CDKAL1: variants seen among roughly 807,000 people sequenced by gnomAD.
CDKAL1 encodes the protein CDKAL1 threonylcarbamoyladenosine tRNA methylthiotransferase, also known as threonylcarbamoyladenosine tRNA methylthiotransferase.
A neutral mutation model predicts 68.2 loss-of-function variants in CDKAL1; 32 were observed. The ratio of observed to expected loss-of-function variants is 0.47; its 90% CI spans 0.35 to 0.63. The LOEUF is 0.63. Among genes scored for constraint, CDKAL1 ranks in the 30% least tolerant of loss-of-function variants. The pLI, the probability that CDKAL1 is intolerant of heterozygous loss-of-function variation, is 0.00. For missense variants in CDKAL1, 606 were observed against 696.7 expected, an observed-to-expected ratio of 0.87 and a Z score of 1.47; for synonymous variants, 234 against 244.3, an observed-to-expected ratio of 0.96 and a Z score of 0.39.
intron 5 of CDKAL1, among the ~76,000 whole-genome samples, chr6:20,732,276 T>C (rs1419681523): frequency 4.6e-5 from 6 of 129,082 alleles, no homozygotes; most frequent in Non-Finnish European, 1.0e-4. Context: ...TTTTTTTTTT[T>C]TTTTTTTTTG....
intron 9 of CDKAL1, among the ~76,000 whole-genome samples, chr6:20,942,072 A>G (rs1384120573): frequency 1.3e-5 from 2 of 152,198 alleles, no homozygotes; most frequent in African/African-American, 2.4e-5. Context: ...TAACACATGT[A>G]GACTTCATTT....
At chr6:20,773,708 C>T (rs918113017) in intron 7 of CDKAL1, among the ~76,000 whole-genome samples, 1 of 151,980 alleles carries the variant, frequency 6.6e-6, no homozygotes, top group Non-Finnish European at 1.5e-5. Context: ...CCACCACGCC[C>T]AGCTAATTTT....
chr6:20,596,406 C>T (rs901480601), intron 4 of CDKAL1, among the ~76,000 whole-genome samples: 4 of 152,208 alleles, frequency 2.6e-5, no homozygotes, highest in Non-Finnish European at 5.9e-5. Flanking sequence ...AGCGGCTTTG[C>T]CGAGCTGTGG....
chr6:20,707,931 C>T (rs957477768), intron 5 of CDKAL1, among the ~76,000 whole-genome samples: 1 of 152,148 alleles, frequency 6.6e-6, no homozygotes, highest in African/African-American at 2.4e-5. Flanking sequence ...TCAGGATTCC[C>T]CACAGTGGCA....
At chr6:20,633,461 C>CT (rs1407475263) in intron 4 of CDKAL1, among the ~76,000 whole-genome samples, 1 of 152,132 alleles carries the variant, frequency 6.6e-6, no homozygotes, top group Non-Finnish European at 1.5e-5. Context: ...GTTGTTTCTG[C>CT]TTTTTGGCTA....
chr6:20,560,214 A>T (rs925955889), intron 4 of CDKAL1, among the ~76,000 whole-genome samples: 1 of 152,254 alleles, frequency 6.6e-6, no homozygotes, highest in Non-Finnish European at 1.5e-5. Context: ...ATTAGGCGTC[A>T]TTAAATTAGT....
At chr6:21,016,809 ACTT>A (rs1280625893) in intron 11 of CDKAL1, among the ~76,000 whole-genome samples, 4 of 152,116 alleles carry the variant, frequency 2.6e-5, no homozygotes, top group Admixed American at 2.6e-4. Flanking sequence ...CTCATGTCTA[ACTT>A]CTTCATGCCC....
intron 11 of CDKAL1, among the ~76,000 whole-genome samples, chr6:21,053,598 C>T (rs578102059): frequency 8.0e-4 from 122 of 152,164 alleles, no homozygotes; most frequent in African/African-American, 2.8e-3. Flanking sequence ...TGTATAAGTG[C>T]GTCAGTTTCT....
intron 7 of CDKAL1, among the ~76,000 whole-genome samples, chr6:20,774,950 A>G (rs1328931897): frequency 6.6e-6 from 1 of 152,198 alleles, no homozygotes; most frequent in Non-Finnish European, 1.5e-5. Context: ...AACAACTCAG[A>G]GAGATGTTTA....
intron 5 of CDKAL1, among the ~76,000 whole-genome samples, chr6:20,696,056 T>G (rs2127809205): frequency 6.6e-6 from 1 of 152,362 alleles, no homozygotes; most frequent in Admixed American, 6.5e-5. Flanking sequence ...AAAAATAGAT[T>G]TGTAAAAGCC....
chr6:20,783,078 C>T (rs1049945124), intron 8 of CDKAL1, among the ~76,000 whole-genome samples: 12 of 151,988 alleles, frequency 7.9e-5, no homozygotes, highest in African/African-American at 2.2e-4. Flanking sequence ...TACAGGTGCA[C>T]GCCACCATGC....
chr6:21,082,252 A>T (rs1230245980), intron 12 of CDKAL1, among the ~76,000 whole-genome samples: 1 of 145,472 alleles, frequency 6.9e-6, no homozygotes, highest in African/African-American at 2.6e-5. Context: ...AGAAGTGTGG[A>T]TAAGATAAGA....
At chr6:21,202,776 T>C (rs1778743198) in intron 15 of CDKAL1, among the ~76,000 whole-genome samples, 1 of 152,304 alleles carries the variant, frequency 6.6e-6, no homozygotes, top group East Asian at 1.9e-4. Context: ...AACTATAGTG[T>C]TACTGTCTAA....
chr6:20,768,266 C>G (rs1774786706), intron 7 of CDKAL1, among the ~76,000 whole-genome samples: 1 of 152,136 alleles, frequency 6.6e-6, no homozygotes, highest in Non-Finnish European at 1.5e-5. Context: ...CACTGGTTCT[C>G]AGTTTCCTGA....
At chr6:20,715,684 A>C (rs1262868062) in intron 5 of CDKAL1, among the ~76,000 whole-genome samples, 1 of 152,154 alleles carries the variant, frequency 6.6e-6, no homozygotes, top group African/African-American at 2.4e-5. Flanking sequence ...ACAGTGCACA[A>C]GGGTTCTCTT....
chr6:20,696,726 A>G (rs1252534460), intron 5 of CDKAL1, among the ~76,000 whole-genome samples: 1 of 152,210 alleles, frequency 6.6e-6, no homozygotes, highest in Non-Finnish European at 1.5e-5. Flanking sequence ...ACAGCTTGTA[A>G]TTATATAGAA....
At chr6:21,122,620 TTTTATTTATTTA>T (rs80146010) in intron 13 of CDKAL1, among the ~76,000 whole-genome samples, 49 of 149,062 alleles carry the variant, frequency 3.3e-4, no homozygotes, top group Middle Eastern at 3.4e-3. Context: ...TGTTACTGTA[TTTTATTTATTTA>T]TTTATTTATT....
intron 4 of CDKAL1, among the ~76,000 whole-genome samples, chr6:20,628,974 C>T (rs1278977638): frequency 1.3e-5 from 2 of 152,078 alleles, no homozygotes; most frequent in East Asian, 1.9e-4. Flanking sequence ...TACGCAACTA[C>T]GACAAAGCCA....
intron 9 of CDKAL1, among the ~76,000 whole-genome samples, chr6:20,864,059 A>G (rs1759780419): frequency 6.6e-6 from 1 of 152,188 alleles, no homozygotes; most frequent in African/African-American, 2.4e-5. Context: ...ACTGGAGAAT[A>G]AATTGAATAA....
Sources: allele counts gnomAD v4.1 joint callset (sites outside exome capture counted in the v4.1 genomes callset), GRCh38; gene constraint gnomAD v4.1.1; transcripts MANE v1.5; gene names NCBI Gene and HGNC (gene_info 2026-07-23, HGNC 2026-07-21).